Variants in PACRG observed in about 807,000 individuals in gnomAD.
PACRG encodes parkin coregulated.
Under a neutral mutation model 29.7 loss-of-function variants are expected in PACRG, and 29 were observed. That is an observed-to-expected ratio of 0.98 (90% CI 0.73 to 1.33). The LOEUF (loss-of-function observed/expected upper bound fraction) is 1.33. PACRG is among the 40% of genes most tolerant of loss of function. The probability of loss-of-function intolerance (pLI) is 0.00; values close to 1 mark genes in which losing one functional copy is unlikely to be tolerated. For synonymous variants in PACRG, 116 were observed against 118.7 expected (o/e 0.98, Z 0.15); for missense variants, 279 against 316.2 (o/e 0.88, Z 0.89).
chr6:162,906,266 G>A (rs1267409614), intron 2 of PACRG, among the ~76,000 whole-genome samples: 2 of 152,170 alleles, frequency 1.3e-5, no homozygotes, highest in African/African-American at 4.8e-5. Context: ...TCAATTTAAT[G>A]CAAAGCTCTT....
intron 1 of PACRG, among the ~76,000 whole-genome samples, chr6:162,801,876 T>C (rs1486804189): frequency 6.6e-6 from 1 of 152,170 alleles, no homozygotes; most frequent in Admixed American, 6.5e-5. Context: ...ACAAAAGTTG[T>C]AAATGGACAA....
intron 4 of PACRG, among the ~76,000 whole-genome samples, chr6:163,099,646 T>C (rs1211135209): frequency 6.6e-6 from 1 of 152,214 alleles, no homozygotes; most frequent in African/African-American, 2.4e-5. Context: ...AACTAATGAC[T>C]TTTTAAAGGT....
At chr6:162,857,130 C>G (rs1791464141) in intron 2 of PACRG, among the ~76,000 whole-genome samples, 2 of 152,134 alleles carry the variant, frequency 1.3e-5, no homozygotes, top group South Asian at 2.1e-4. Context: ...AGAAAGCAAG[C>G]AAGCAACAGC....
At chr6:163,202,636 A>G (rs1780751895) in intron 4 of PACRG, among the ~76,000 whole-genome samples, 1 of 152,208 alleles carries the variant, frequency 6.6e-6, no homozygotes, top group Non-Finnish European at 1.5e-5. Context: ...TTCATATTGA[A>G]ATGAGAACTA....
intron 4 of PACRG, among the ~76,000 whole-genome samples, chr6:163,148,087 G>T (rs529778051): frequency 6.6e-6 from 1 of 152,338 alleles, no homozygotes; most frequent in African/African-American, 2.4e-5. Flanking sequence ...TAATCCACCT[G>T]CAGACGTGTT....
rs60168628 is a variant in PACRG, at chr6:162,728,210, A to C, written c.-26A>C. 878 of 1,607,586 alleles carry C rather than the reference A, an allele frequency of 5.5e-4. 4 individuals carry two copies. In the African/African-American group the frequency reaches 0.011, roughly 20 times the overall value. On this transcript the variant is annotated 5_prime_UTR_variant, in exon 1 of 5. An upstream start codon of the reference 5' UTR is lost. Transcript: ENST00000366888. Reference sequence around the variant, plus strand: ...CACTGATTCTTTTACTACACTTTTTATGAGAACAAGACATTTTCTAGGAAG... The same window carrying C: ...CACTGATTCTTTTACTACACTTTTTCTGAGAACAAGACATTTTCTAGGAAG...
chr6:162,896,588 A>G (rs1336171018), intron 2 of PACRG, among the ~76,000 whole-genome samples: 5 of 152,234 alleles, frequency 3.3e-5, no homozygotes, highest in African/African-American at 7.2e-5. Context: ...AAACTATGAT[A>G]GGAAGGTTGT....
At position 163,314,902 on chromosome 6, in the gene PACRG, A is replaced by G; in HGVS notation, c.689A>G (p.Glu230Gly). 6.2e-7 allele frequency: 1 copy of G among 1,614,196 alleles called. No homozygotes were observed. The highest frequency in any genetic ancestry group is 1.1e-5 in the South Asian group (1 of 91,086). Reference protein sequence around the residue: ...NIGDLIQETLEAFERYGGENA... With the variant: ...NIGDLIQETLGAFERYGGENA... ...GGGGACTTGATCCAGGAGACACTGG[A>G]GGCCTTCGAGCGCTACGGAGGAGAA... is the stretch of plus-strand genomic sequence containing the variant. The change falls in exon 5 of 5, where the codon GAG (glutamate) becomes GGG (glycine). Residue 230 changes from glutamate to glycine, a missense_variant. Transcript: ENST00000366888.
At chr6:162,809,493 T>C (rs1186179726) in intron 1 of PACRG, among the ~76,000 whole-genome samples, 1 of 152,190 alleles carries the variant, frequency 6.6e-6, no homozygotes, top group Non-Finnish European at 1.5e-5. Flanking sequence ...GAAAATTTAT[T>C]GAAAGGAAGA....
At chr6:163,313,111 T>A (rs888062516) in intron 4 of PACRG, among the ~76,000 whole-genome samples, 1 of 124,600 alleles carries the variant, frequency 8.0e-6, no homozygotes, top group Non-Finnish European at 1.8e-5. Context: ...TATATATATA[T>A]ACATATATAT....
intron 4 of PACRG, among the ~76,000 whole-genome samples, chr6:163,285,849 T>G (rs753161762): frequency 1.3e-5 from 2 of 152,272 alleles, no homozygotes; most frequent in Admixed American, 6.5e-5. Context: ...ACCATCCGCC[T>G]CGACCGGTTT....
chr6:162,882,825 T>C (rs1794010597), intron 2 of PACRG, among the ~76,000 whole-genome samples: 1 of 152,204 alleles, frequency 6.6e-6, no homozygotes, highest in Admixed American at 6.5e-5. Flanking sequence ...TCCATTGTGC[T>C]CACTCGCGTC....
intron 2 of PACRG, among the ~76,000 whole-genome samples, chr6:162,877,770 G>C (rs1793495791): frequency 6.6e-6 from 1 of 152,026 alleles, no homozygotes; most frequent in Non-Finnish European, 1.5e-5. Flanking sequence ...GTTCAGAAAT[G>C]GCATCCCTCT....
At chr6:163,085,632 T>C (rs546450681) in intron 3 of PACRG, among the ~76,000 whole-genome samples, 9 of 152,298 alleles carry the variant, frequency 5.9e-5, no homozygotes, top group African/African-American at 2.2e-4. Context: ...GTGAAAGAAC[T>C]CCTTACTGGG....
intron 2 of PACRG, among the ~76,000 whole-genome samples, chr6:162,963,735 A>G (rs1347130153): frequency 3.5e-5 from 5 of 144,032 alleles, no homozygotes; most frequent in Admixed American, 2.7e-4. Flanking sequence ...TATGTATAAA[A>G]TAATTGTTAC....
At chr6:162,947,339 T>TGAC (rs576084429) in intron 2 of PACRG, among the ~76,000 whole-genome samples, 2 of 18,618 alleles carry the variant, frequency 1.1e-4, no homozygotes, top group African/African-American at 2.0e-4. Context: ...TAATCATATA[T>TGAC]ATAATGATTA....
At chr6:163,236,356 A>G (rs1363292698) in intron 4 of PACRG, among the ~76,000 whole-genome samples, 1 of 152,162 alleles carries the variant, frequency 6.6e-6, no homozygotes, top group Non-Finnish European at 1.5e-5. Flanking sequence ...TCACTTATGT[A>G]TACTTATGCT....
intron 2 of PACRG, among the ~76,000 whole-genome samples, chr6:162,925,362 A>T (rs1158292005): frequency 2.0e-5 from 3 of 152,172 alleles, no homozygotes; most frequent in Non-Finnish European, 2.9e-5. Context: ...ACACAACAAA[A>T]AAAGAAAACT....
intron 4 of PACRG, among the ~76,000 whole-genome samples, chr6:163,108,079 T>G (rs1325274617): frequency 6.6e-6 from 1 of 152,220 alleles, no homozygotes; most frequent in Non-Finnish European, 1.5e-5. Flanking sequence ...GTGGTTTGGC[T>G]TTGTGTCCCT....
Sources: gnomAD v4.1 joint callset for allele counts (sites outside exome capture counted in the v4.1 genomes callset) on GRCh38, gnomAD v4.1.1 for gene constraint, MANE v1.5 for transcripts, NCBI Gene and HGNC (gene_info 2026-07-23, HGNC 2026-07-21) for gene names.